The following CYBRD1 variants were observed in gnomAD, a reference collection of about 807,000 sequenced individuals.
CYBRD1 encodes the protein cytochrome b reductase 1.
Under a neutral mutation model 21.9 loss-of-function variants are expected in CYBRD1, and 14 were observed. That is an observed-to-expected ratio of 0.64 (90% CI 0.42 to 1.00). CYBRD1 has a LOEUF of 1.00. Ranked by LOEUF, CYBRD1 falls within the 50% of genes least tolerant of loss-of-function variation. The probability of loss-of-function intolerance (pLI) is 0.00; values close to 1 mark genes in which losing one functional copy is unlikely to be tolerated. For synonymous variants in CYBRD1, 146 were observed against 136.5 expected, an observed-to-expected ratio of 1.07 and a Z score of -0.48; for missense variants, 328 against 352.5, an observed-to-expected ratio of 0.93 and a Z score of 0.56.
chr2:171,545,805 C>G (rs1009474098), intron 2 of CYBRD1, among the ~76,000 whole-genome samples: 1 of 151,544 alleles, frequency 6.6e-6, no homozygotes, highest in South Asian at 2.1e-4. Flanking sequence ...ATTGGGATAC[C>G]CATTATTTCA....
At position 171,522,681 on chromosome 2, in the gene CYBRD1, G is replaced by C; in HGVS notation, c.136G>C (p.Glu46Gln). 6.2e-7 allele frequency: 1 copy of C among 1,613,516 alleles called. No individual in the cohort carries two copies. Reference protein sequence around the residue: ...EGLGWDGSALEFNWHPVLMVT... With the variant: ...EGLGWDGSALQFNWHPVLMVT... The stretch of plus-strand genomic sequence containing the variant: ...GCTTGGCTGGGATGGGAGCGCACTA[G>C]AGTTTAACTGGCACCCAGTGCTCAT... Residue 46 changes from glutamate to glutamine, a missense_variant, in exon 1 of 4, where the codon GAG becomes CAG. Physicochemically the swap from Glu to Gln is conservative, Grantham distance 29. Coordinates refer to ENST00000321348, the MANE Select transcript of CYBRD1 (RefSeq NM_024843.4). This position sits in a 1 kb window ranked among gnomAD's most constrained non-coding sequence, Gnocchi z 4.3.
chr2:171,541,213 C>G, intron 1 of CYBRD1: 1 of 316,634 alleles, frequency 3.2e-6, no homozygotes, highest in South Asian at 3.2e-5. Context: ...AGATCTGAAG[C>G]TTAGAAGACA....
At chr2:171,536,258 TCTC>T (rs1697544365) in intron 1 of CYBRD1, among the ~76,000 whole-genome samples, 1 of 150,912 alleles carries the variant, frequency 6.6e-6, no homozygotes, top group Non-Finnish European at 1.5e-5. Flanking sequence ...CTTGCCTCGG[TCTC>T]CCCAAGTAGC....
intron 1 of CYBRD1, among the ~76,000 whole-genome samples, chr2:171,524,029 C>G (rs965025754): frequency 1.3e-5 from 2 of 152,198 alleles, no homozygotes; most frequent in African/African-American, 4.8e-5. Context: ...GAGTGCTGAC[C>G]TCATTCCTAA....
intron 2 of CYBRD1, among the ~76,000 whole-genome samples, chr2:171,545,685 G>A (rs750685987): frequency 6.6e-6 from 1 of 151,378 alleles, no homozygotes; most frequent in African/African-American, 2.4e-5. Context: ...CATCACGTCC[G>A]GCCAATGTTT....
intron 1 of CYBRD1, among the ~76,000 whole-genome samples, chr2:171,527,552 A>G (rs1697403006): frequency 6.6e-6 from 1 of 152,214 alleles, no homozygotes. Context: ...GTTTAAAAGC[A>G]CTGGCTTAGT....
intron 2 of CYBRD1, among the ~76,000 whole-genome samples, chr2:171,552,832 C>T (rs1366516869): frequency 2.0e-5 from 3 of 152,170 alleles, no homozygotes; most frequent in African/African-American, 7.2e-5. Flanking sequence ...TTAGGTTGAA[C>T]TGACTAAATT....
At chr2:171,528,063 C>G (rs907034119) in intron 1 of CYBRD1, among the ~76,000 whole-genome samples, 2 of 151,892 alleles carry the variant, frequency 1.3e-5, no homozygotes, top group Non-Finnish European at 2.9e-5. Flanking sequence ...ATTGACCCCT[C>G]ACTCCTCCTT....
intron 1 of CYBRD1, among the ~76,000 whole-genome samples, chr2:171,524,758 C>T (rs1697360093): frequency 6.6e-6 from 1 of 151,912 alleles, no homozygotes; most frequent in Non-Finnish European, 1.5e-5. Flanking sequence ...CAGCGAAAAC[C>T]TTCATCTAAA....
chr2:171,544,264 A>G (rs552823169), intron 2 of CYBRD1, among the ~76,000 whole-genome samples: 1 of 152,118 alleles, frequency 6.6e-6, no homozygotes, highest in Non-Finnish European at 1.5e-5. Flanking sequence ...TTTTTCATTT[A>G]TATATATTGC....
intron 1 of CYBRD1, among the ~76,000 whole-genome samples, chr2:171,529,989 C>T (rs1697440587): frequency 6.6e-6 from 1 of 152,120 alleles, no homozygotes; most frequent in Non-Finnish European, 1.5e-5. Flanking sequence ...TTAGACTGGG[C>T]TCTAAATCCT....
In CYBRD1 at chr2:171,555,498, C is replaced by G. The variant is rs1047255; in HGVS notation, c.*671C>G. The G allele has an allele frequency of 0.16, 23,744 of 152,390 alleles. 2,372 individuals carry two copies. Among genetic ancestry groups the G allele is most frequent in the Non-Finnish European group, 0.24 (16,162 of 68,190 alleles). 9.4% of individuals were successfully genotyped at this position (152,390 alleles called of 1,614,324 possible). ...GTCAGACTTGGAAGAATTTCCAAAA[C>G]TGAAGTTAGCCCCAAGACTTCCCTA... is the stretch of plus-strand genomic sequence containing the variant. On this transcript the variant is annotated 3_prime_UTR_variant, in exon 4 of 4. Transcript: ENST00000321348.
intron 1 of CYBRD1, among the ~76,000 whole-genome samples, chr2:171,538,554 A>G (rs1697579109): frequency 5.9e-5 from 9 of 152,234 alleles, no homozygotes; most frequent in Admixed American, 5.2e-4. Context: ...GGATACCCAT[A>G]TACACACTAA....
chr2:171,547,070 G>A (rs909404249), intron 2 of CYBRD1, among the ~76,000 whole-genome samples: 5 of 152,196 alleles, frequency 3.3e-5, no homozygotes, highest in Admixed American at 6.5e-5. Context: ...TGTAAAGAAT[G>A]AGAGAGAGTC....
At chr2:171,532,901 G>C (rs1282835131) in intron 1 of CYBRD1, among the ~76,000 whole-genome samples, 1 of 151,838 alleles carries the variant, frequency 6.6e-6, no homozygotes, top group Non-Finnish European at 1.5e-5. Flanking sequence ...GTGTGTGTGT[G>C]TGTGTGTGTG....
chr2:171,531,153 T>C (rs797001971), intron 1 of CYBRD1, among the ~76,000 whole-genome samples: 1 of 13,458 alleles, frequency 7.4e-5, no homozygotes, highest in African/African-American at 2.0e-4. Flanking sequence ...AGACCCTGTC[T>C]CAAAAAAAAA....
chr2:171,546,253 C>T (rs1697711806), intron 2 of CYBRD1, among the ~76,000 whole-genome samples: 1 of 152,178 alleles, frequency 6.6e-6, no homozygotes, highest in Admixed American at 6.5e-5. Context: ...GACCAAGTTA[C>T]TTCTCTGAAT....
chr2:171,534,082 G>T (rs929162692), intron 1 of CYBRD1, among the ~76,000 whole-genome samples: 1 of 152,124 alleles, frequency 6.6e-6, no homozygotes, highest in Non-Finnish European at 1.5e-5. Context: ...TTATACACAG[G>T]TATTCACTTC....
intron 1 of CYBRD1, among the ~76,000 whole-genome samples, chr2:171,524,367 C>T (rs1049929844): frequency 2.0e-5 from 3 of 152,116 alleles, no homozygotes; most frequent in African/African-American, 7.2e-5. Context: ...TGGCCCCGAG[C>T]TGTCTACACC....
Sources: gnomAD v4.1 joint callset for allele counts (sites outside exome capture counted in the v4.1 genomes callset) on GRCh38, gnomAD v4.1.1 for gene constraint, Gnocchi (gnomAD v3.1) non-coding constraint, MANE v1.5 for transcripts, NCBI Gene and HGNC (gene_info 2026-07-23, HGNC 2026-07-21) for gene names.